The following PGBD5 variants were observed in gnomAD, a reference collection of about 807,000 sequenced individuals.
The protein encoded by PGBD5 is piggyBac transposable element-derived protein 5.
In PGBD5, 14 loss-of-function variants were observed where a neutral mutation model predicts 47.9. That is an observed-to-expected ratio of 0.29 (90% CI 0.19 to 0.46). The LOEUF (loss-of-function observed/expected upper bound fraction) is 0.46, where lower values mean the gene tolerates loss of function less well. Among genes scored for constraint, PGBD5 ranks in the 20% least tolerant of loss-of-function variants. The pLI, the probability that PGBD5 is intolerant of heterozygous loss-of-function variation, is 1.00. For missense variants in PGBD5, 635 were observed against 716.0 expected, an observed-to-expected ratio of 0.89 and a Z score of 1.29; for synonymous variants, 316 against 306.3, an observed-to-expected ratio of 1.03 and a Z score of -0.33.
At chr1:230,383,245 AT>A (rs551875447) in intron 1 of PGBD5, among the ~76,000 whole-genome samples, 8 of 151,408 alleles carry the variant, frequency 5.3e-5, no homozygotes, top group Non-Finnish European at 1.0e-4. Context: ...AATTAAAAAA[AT>A]TTTTTTTTGT....
At chr1:230,383,194 A>C (rs1394127528) in intron 1 of PGBD5, among the ~76,000 whole-genome samples, 2 of 151,494 alleles carry the variant, frequency 1.3e-5, no homozygotes, top group Non-Finnish European at 2.9e-5. Context: ...CTCAGCCTCC[A>C]GAGTAGCTGG....
At chr1:230,352,518 TG>T (rs1667574604) in intron 2 of PGBD5, among the ~76,000 whole-genome samples, 2 of 152,158 alleles carry the variant, frequency 1.3e-5, no homozygotes, top group African/African-American at 4.8e-5. Flanking sequence ...GCAAATTGAA[TG>T]CAAGGTTACC....
At chr1:230,360,366 T>C (rs6672118) in intron 1 of PGBD5, among the ~76,000 whole-genome samples, 19,174 of 150,888 alleles carry the variant, frequency 0.13, 2,337 homozygotes, top group African/African-American at 0.32. Flanking sequence ...CACTGTGACC[T>C]GTGGAGGGAG....
chr1:230,425,420 G>A lies in PGBD5; in HGVS notation c.331+178C>T, dbSNP rs1344839407. On this transcript the variant is annotated intron_variant, in intron 1 of 6. Transcript: ENST00000391860. The surrounding 1 kb of genome is among the most constrained non-coding windows in gnomAD (Gnocchi z 4.7). ...TCCGCCTTACCCTCTCCACCCACGG[G>A]TTCGGAGCCCCCAGGAGCAGTCAGA... is the stretch of plus-strand genomic sequence containing the variant. Among the ~76,000 whole-genome samples, 1 of 152,098 alleles carries A rather than the reference G, an allele frequency of 6.6e-6. No individual in the cohort carries two copies. The highest frequency in any genetic ancestry group is 2.4e-5 in the African/African-American group (1 of 41,426).
At chr1:230,368,344 A>G (rs1263623840) in intron 1 of PGBD5, among the ~76,000 whole-genome samples, 1 of 152,270 alleles carries the variant, frequency 6.6e-6, no homozygotes, top group African/African-American at 2.4e-5. Flanking sequence ...GGGCAGGACC[A>G]AGGAGTCTGA....
chr1:230,323,757 A>C lies in PGBD5; in HGVS notation c.1380-137T>G, dbSNP rs982063677. The C allele has an allele frequency of 2.6e-6, 2 of 774,422 alleles. No individual in the cohort carries two copies. Among genetic ancestry groups the C allele is most frequent in the Non-Finnish European group, 4.1e-6 (2 of 487,480 alleles). The allele number at this position is 774,422 out of a possible 1,614,324, so 48.0% of individuals were successfully genotyped here. On this transcript the variant is annotated intron_variant, in intron 6 of 6. Transcript: ENST00000391860. The surrounding 1 kb of genome is among the most constrained non-coding windows in gnomAD (Gnocchi z 4.1). ...ACAGAAGCAGGAGGGCTATGGGGGC[A>C]GGAGTCAGGCTTGGGATGTTAGGTG...
chr1:230,372,921 A>G (rs2820371), intron 1 of PGBD5, among the ~76,000 whole-genome samples: 108,242 of 151,546 alleles, frequency 0.71, 39,041 homozygotes, highest in Non-Finnish European at 0.74. Context: ...CCCTCTCTAC[A>G]TATCACCTCC....
chr1:230,332,777 G>C, intron 5 of PGBD5, 67 bp downstream of exon 5: 1 of 1,574,072 alleles, frequency 6.4e-7, no homozygotes. Context: ...CCACCGCAGC[G>C]GTGGGCTCGG....
In PGBD5 at chr1:230,316,051, CAT is replaced by C. The variant is rs559372718; in HGVS notation, c.*7372_*7373del. On this transcript the variant is annotated 3_prime_UTR_variant, in exon 7 of 7. Coordinates refer to ENST00000391860, the MANE Select transcript of PGBD5 (RefSeq NM_001258311.2). The stretch of plus-strand genomic sequence containing the variant: ...ATACATACATAAGTATATGTGTACA[CAT>C]ATATGTATGTGTATACATACATGTT... The C allele has an allele frequency of 5.4e-5, 7 of 130,084 alleles. No individual in the cohort carries two copies. Among genetic ancestry groups the C allele is most frequent in the African/African-American group, 1.4e-4 (5 of 34,572 alleles). 8.1% of individuals were successfully genotyped at this position (130,084 alleles called of 1,614,324 possible).
chr1:230,327,520 G>A (rs756692640), intron 5 of PGBD5, among the ~76,000 whole-genome samples: 32 of 152,344 alleles, frequency 2.1e-4, no homozygotes, highest in African/African-American at 6.7e-4. Context: ...CCCTAGAGAC[G>A]CAGGACCGGG....
intron 1 of PGBD5, among the ~76,000 whole-genome samples, chr1:230,393,842 A>AAAT (rs1558209612): frequency 1.3e-5 from 2 of 149,734 alleles, no homozygotes; most frequent in Non-Finnish European, 1.5e-5. Flanking sequence ...AAAAAAAAAA[A>AAAT]AATAATAGGC....
intron 1 of PGBD5, among the ~76,000 whole-genome samples, chr1:230,370,149 G>C (rs1219883666): frequency 6.6e-6 from 1 of 152,220 alleles, no homozygotes; most frequent in Non-Finnish European, 1.5e-5. Context: ...AGGGGAGCAG[G>C]AAAGATGCTC....
chr1:230,389,385 C>G (rs527894190), intron 1 of PGBD5, among the ~76,000 whole-genome samples: 1 of 152,258 alleles, frequency 6.6e-6, no homozygotes, highest in South Asian at 2.1e-4. Context: ...GTTGGCCAGT[C>G]TGGTCTCGGA....
At chr1:230,359,985 A>G (rs1466072312) in intron 1 of PGBD5, among the ~76,000 whole-genome samples, 1 of 152,172 alleles carries the variant, frequency 6.6e-6, no homozygotes, top group African/African-American at 2.4e-5. Context: ...TGTAGCCTGA[A>G]GCTCCACACC....
intron 3 of PGBD5, among the ~76,000 whole-genome samples, chr1:230,337,618 T>C (rs1165078935): frequency 6.6e-6 from 1 of 152,164 alleles, no homozygotes; most frequent in Admixed American, 6.5e-5. Flanking sequence ...ATAAATAAAA[T>C]TAAAGGCAAC....
intron 1 of PGBD5, among the ~76,000 whole-genome samples, chr1:230,399,263 T>G (rs1657076693): frequency 6.6e-6 from 1 of 152,178 alleles, no homozygotes; most frequent in Admixed American, 6.5e-5. Flanking sequence ...AAATCTAAAT[T>G]TTACTGGTGT....
At chr1:230,374,124 T>C (rs979638570) in intron 1 of PGBD5, among the ~76,000 whole-genome samples, 2 of 152,160 alleles carry the variant, frequency 1.3e-5, no homozygotes, top group Non-Finnish European at 1.5e-5. Flanking sequence ...TTTAAGAATA[T>C]AAAAAAACTT....
intron 3 of PGBD5, among the ~76,000 whole-genome samples, chr1:230,341,459 C>T (rs1667406833): frequency 6.6e-6 from 1 of 152,214 alleles, no homozygotes; most frequent in African/African-American, 2.4e-5. Flanking sequence ...TTAAGCTATA[C>T]AAGCTATGCT....
At chr1:230,362,226 CAGGT>C (rs777728769) in intron 1 of PGBD5, 1 of 1,345,042 alleles carries the variant, frequency 7.4e-7, no homozygotes, top group East Asian at 4.6e-5. Flanking sequence ...TTCCCCAAAT[CAGGT>C]GAGACCTGGC....
Sources: gnomAD v4.1 joint callset for allele counts (sites outside exome capture counted in the v4.1 genomes callset) on GRCh38, gnomAD v4.1.1 for gene constraint, Gnocchi (gnomAD v3.1) non-coding constraint, MANE v1.5 for transcripts, NCBI Gene and HGNC (gene_info 2026-07-23, HGNC 2026-07-21) for gene names.